The following KDM6A variants were observed in gnomAD, a reference collection of about 807,000 sequenced individuals.
The protein encoded by KDM6A is lysine demethylase 6A.
KDM6A carries 11 observed loss-of-function variants against 117.6 expected under a neutral mutation model. That is an observed-to-expected ratio of 0.09 (90% CI 0.06 to 0.15). KDM6A has a LOEUF of 0.15. Ranked by LOEUF, KDM6A falls within the 10% of genes least tolerant of loss-of-function variation. KDM6A has a pLI of 1.00. For synonymous variants in KDM6A, 384 were observed against 396.1 expected, an observed-to-expected ratio of 0.97 and a Z score of 0.36; for missense variants, 799 against 1,077.3, an observed-to-expected ratio of 0.74 and a Z score of 3.62.
intron 5 of KDM6A, among the ~76,000 whole-genome samples, chrX:45,018,134 A>T (rs17215160): frequency 0.075 from 8,296 of 111,120 alleles, 310 homozygotes; most frequent in Non-Finnish European, 0.11. Context: ...TTATAGTATC[A>T]TAATTGTTAG....
chrX:45,079,444 A>G, intron 21 of KDM6A, 93 bp downstream of exon 21: 1 of 614,257 alleles, frequency 1.6e-6, no homozygotes, highest in African/African-American at 2.2e-5. Flanking sequence ...TATGCATCTC[A>G]TCATTTTATG....
chrX:45,108,562 G>A (rs1344280206), intron 28 of KDM6A, among the ~76,000 whole-genome samples: 2 of 109,067 alleles, frequency 1.8e-5, no homozygotes, highest in Non-Finnish European at 3.8e-5. Flanking sequence ...TCAGTGTGGC[G>A]ATTCCTCAGG....
At position 45,063,439 on chromosome X, in the gene KDM6A, T is replaced by A; in HGVS notation, c.1701T>A (p.Val567=). The A allele has an allele frequency of 3.3e-6, 4 of 1,206,654 alleles. No individual in the cohort carries two copies. The highest frequency in any genetic ancestry group is 4.5e-6 in the Non-Finnish European group (4 of 895,005). Residue 567 remains valine, a synonymous_variant, in exon 17 of 30, where the codon GTT becomes GTA. Transcript: ENST00000611820. ...MQQHQMRPTG[V]AQVRSTGIPN... ...TTTGACAGATGAGACCAACAGGAGT[T>A]GCACAGGTACGATCTACTGGAATTC... is the stretch of plus-strand genomic sequence containing the variant.
chrX:45,006,545 G>A (rs1264880201), intron 4 of KDM6A, among the ~76,000 whole-genome samples: 4 of 109,979 alleles, frequency 3.6e-5, no homozygotes, highest in Non-Finnish European at 3.8e-5. Flanking sequence ...GGGTTAGACC[G>A]CCCAGGCTAA....
At chrX:44,985,836 T>G (rs963868215) in intron 4 of KDM6A, among the ~76,000 whole-genome samples, 6 of 111,164 alleles carry the variant, frequency 5.4e-5, no homozygotes, top group African/African-American at 2.0e-4. Flanking sequence ...GATTTTTGCA[T>G]CGATGTTCAT....
chrX:45,052,327 A>G (rs1452863518), intron 9 of KDM6A, among the ~76,000 whole-genome samples: 1 of 111,926 alleles, frequency 8.9e-6, no homozygotes, highest in African/African-American at 3.3e-5. Flanking sequence ...TTTGTTGCTT[A>G]ATTATTGAGT....
intron 17 of KDM6A, among the ~76,000 whole-genome samples, chrX:45,069,131 A>T (rs1025949965): frequency 2.7e-5 from 3 of 112,264 alleles, no homozygotes; most frequent in South Asian, 3.7e-4. Flanking sequence ...GAATTACAGA[A>T]GATTATATTT....
At chrX:44,953,365 C>T (rs912921066) in intron 2 of KDM6A, among the ~76,000 whole-genome samples, 1 of 111,641 alleles carries the variant, frequency 9.0e-6, no homozygotes, top group African/African-American at 3.3e-5. Flanking sequence ...CACCAAGCCA[C>T]ACCTACAAGA....
At chrX:45,063,841 G>GT (rs1247668886) in intron 17 of KDM6A, 24 bp downstream of exon 17, 12 of 1,163,174 alleles carry the variant, frequency 1.0e-5, no homozygotes, top group Non-Finnish European at 1.3e-5. Context: ...TAGCTTCCTT[G>GT]TTGGCTTTTC....
intron 4 of KDM6A, among the ~76,000 whole-genome samples, chrX:44,988,764 C>T (rs982776087): frequency 9.0e-6 from 1 of 110,831 alleles, no homozygotes; most frequent in Non-Finnish European, 1.9e-5. Context: ...GATCGTTCCT[C>T]TGGAAGTTTT....
At chrX:44,936,034 T>C (rs1331745094) in intron 2 of KDM6A, among the ~76,000 whole-genome samples, 1 of 112,282 alleles carries the variant, frequency 8.9e-6, no homozygotes, top group Non-Finnish European at 1.9e-5. Flanking sequence ...ACTGGGTGAT[T>C]GAAAACACAG....
At chrX:45,103,421 G>T (rs934726153) in intron 27 of KDM6A, among the ~76,000 whole-genome samples, 15 of 110,825 alleles carry the variant, frequency 1.4e-4, no homozygotes, top group Non-Finnish European at 2.6e-4. Context: ...GAAAACTTAT[G>T]TGATTCTCTA....
intron 9 of KDM6A, among the ~76,000 whole-genome samples, chrX:45,053,507 A>G: frequency 8.9e-6 from 1 of 112,195 alleles, no homozygotes; most frequent in Middle Eastern, 4.6e-3. Context: ...ACATCTTTAT[A>G]TTTTTTGTTT....
At chrX:44,911,845 C>T (rs1350703576) in intron 2 of KDM6A, among the ~76,000 whole-genome samples, 2 of 111,725 alleles carry the variant, frequency 1.8e-5, no homozygotes, top group Non-Finnish European at 3.8e-5. Context: ...GCCAACACAG[C>T]GAAACCCCGT....
intron 4 of KDM6A, among the ~76,000 whole-genome samples, chrX:45,002,163 C>T (rs370024097): frequency 1.8e-5 from 2 of 109,811 alleles, no homozygotes; most frequent in Admixed American, 2.0e-4. Context: ...AGCCAAACAC[C>T]GTTTTATATT....
At chrX:45,003,396 T>TC (rs1403976418) in intron 4 of KDM6A, among the ~76,000 whole-genome samples, 2 of 69,278 alleles carry the variant, frequency 2.9e-5, no homozygotes, top group Admixed American at 1.3e-4. Context: ...TTATCCTTCT[T>TC]TTTTTTTTTT....
chrX:45,051,005 C>T (rs1204105607), intron 8 of KDM6A, among the ~76,000 whole-genome samples: 1 of 110,932 alleles, frequency 9.0e-6, no homozygotes, highest in Non-Finnish European at 1.9e-5. Flanking sequence ...GCATTTTTGA[C>T]ATGTGCTTTA....
chrX:44,964,012 C>A (rs1345731775), intron 3 of KDM6A, among the ~76,000 whole-genome samples: 1 of 110,220 alleles, frequency 9.1e-6, no homozygotes, highest in Non-Finnish European at 1.9e-5. Context: ...TGAGCCACTG[C>A]GCCCGGCCTT....
chrX:45,108,860 A>T (rs1343901729), intron 28 of KDM6A, among the ~76,000 whole-genome samples: 1 of 100,735 alleles, frequency 9.9e-6, no homozygotes, highest in African/African-American at 3.6e-5. Context: ...TCAGTAAACT[A>T]TCGCAAGAAC....
Sources: gnomAD v4.1 joint callset for allele counts (sites outside exome capture counted in the v4.1 genomes callset) on GRCh38, gnomAD v4.1.1 for gene constraint, MANE v1.5 for transcripts, NCBI Gene and HGNC (gene_info 2026-07-23, HGNC 2026-07-21) for gene names.